MAPKAP1: variants seen among roughly 807,000 people sequenced by gnomAD.
The protein encoded by MAPKAP1 is target of rapamycin complex 2 subunit MAPKAP1.
Under a neutral mutation model 65.7 loss-of-function variants are expected in MAPKAP1, and 20 were observed. That is an observed-to-expected ratio of 0.30 (90% CI 0.21 to 0.44). MAPKAP1 has a LOEUF of 0.44. Ranked by LOEUF, MAPKAP1 falls within the 20% of genes least tolerant of loss-of-function variation. MAPKAP1 has a pLI of 1.00. For missense variants in MAPKAP1, 423 were observed against 648.0 expected (o/e 0.65, Z 3.77); for synonymous variants, 222 against 244.3 (o/e 0.91, Z 0.85).
At chr9:125,676,989 A>G (rs929257057) in intron 1 of MAPKAP1, among the ~76,000 whole-genome samples, 2 of 152,220 alleles carry the variant, frequency 1.3e-5, no homozygotes, top group African/African-American at 4.8e-5. Flanking sequence ...CCATCCATAA[A>G]TATTGTTTTC....
intron 8 of MAPKAP1, among the ~76,000 whole-genome samples, chr9:125,493,845 T>C (rs1339445623): frequency 6.6e-6 from 1 of 152,182 alleles, no homozygotes; most frequent in Non-Finnish European, 1.5e-5. Flanking sequence ...AGACTCAGAA[T>C]GTCATTCTGC....
chr9:125,584,027 C>T (rs1400012129), intron 5 of MAPKAP1, among the ~76,000 whole-genome samples: 3 of 151,626 alleles, frequency 2.0e-5, no homozygotes, highest in East Asian at 1.9e-4. Context: ...CGCGCCACTG[C>T]ACTCCAGCCT....
At position 125,615,538 on chromosome 9, in the gene MAPKAP1, C is replaced by CAAA. The variant is rs58426049; in HGVS notation, c.499-29814_499-29812dup. 8.4e-3 allele frequency among the ~76,000 whole-genome samples: 931 copies of CAAA among 110,634 alleles called. 13 individuals are homozygous for CAAA. The highest frequency in any genetic ancestry group is 0.033 in the African/African-American group (852 of 25,574). The allele number at this position is 110,634 out of a possible 152,430, so 72.6% of individuals were successfully genotyped here. ...CAAAACCCCACCTCTACTAAAAATA[C>CAAA]AAAAAAAAAAAAAAAAAAAAATCAG... On this transcript the variant is annotated intron_variant, in intron 4 of 11. Transcript: ENST00000265960.
chr9:125,470,279 C>G (rs1178606848), intron 9 of MAPKAP1, among the ~76,000 whole-genome samples: 1 of 152,052 alleles, frequency 6.6e-6, no homozygotes, highest in Admixed American at 6.5e-5. Flanking sequence ...GAATATAAAC[C>G]AGAAATGACA....
rs141958549 is a variant in MAPKAP1 at position 125,484,718 on chromosome 9, A to C, written c.1067-135T>G. ...AGAAGAAAAGGCTGAGCGATGACTT[A>C]ATAATGCCATTCCAGTAAACAGAGA... On this transcript the variant is annotated intron_variant, in intron 8 of 11. Coordinates refer to ENST00000265960, the MANE Select transcript of MAPKAP1 (RefSeq NM_001006617.3). The C allele has an allele frequency of 3.7e-4, 285 of 775,788 alleles. 2 individuals are homozygous for C. The African/African-American group carries it at 4.6e-3, about 13-fold the overall frequency. The allele number at this position is 775,788 out of a possible 1,614,324, so 48.1% of individuals were successfully genotyped here.
At chr9:125,545,429 T>C (rs1830395119) in intron 6 of MAPKAP1, among the ~76,000 whole-genome samples, 4 of 152,202 alleles carry the variant, frequency 2.6e-5, no homozygotes, top group African/African-American at 9.6e-5. Flanking sequence ...GAAGTCAGTA[T>C]GCGCTCCATC....
chr9:125,498,725 G>A (rs192787643), intron 8 of MAPKAP1, among the ~76,000 whole-genome samples: 63 of 152,218 alleles, frequency 4.1e-4, no homozygotes, highest in Admixed American at 1.2e-3. Context: ...TTTATAAAGC[G>A]TATATCCATT....
intron 7 of MAPKAP1, among the ~76,000 whole-genome samples, chr9:125,535,338 C>T (rs1050370458): frequency 6.6e-6 from 1 of 152,232 alleles, no homozygotes; most frequent in Non-Finnish European, 1.5e-5. Flanking sequence ...TCAAGTAGGA[C>T]TCCCTTACCT....
At chr9:125,657,899 C>T in intron 3 of MAPKAP1, 100 bp from the exon 4 acceptor site, 1 of 1,141,728 alleles carries the variant, frequency 8.8e-7, no homozygotes, top group Non-Finnish European at 1.3e-6. Context: ...GAAGGAGCAT[C>T]CAGAGACATG....
At chr9:125,651,365 G>C (rs1027600237) in intron 4 of MAPKAP1, among the ~76,000 whole-genome samples, 1 of 152,160 alleles carries the variant, frequency 6.6e-6, no homozygotes, top group Non-Finnish European at 1.5e-5. Flanking sequence ...AGCACTTTGG[G>C]AGGCCGAGGC....
intron 4 of MAPKAP1, among the ~76,000 whole-genome samples, chr9:125,616,900 A>G (rs147766444): frequency 1.2e-4 from 19 of 152,356 alleles, no homozygotes; most frequent in Admixed American, 1.0e-3. Context: ...CTTTTCTTTT[A>G]AAATTAAATA....
chr9:125,528,772 G>A lies in MAPKAP1; in HGVS notation c.958+14287C>T, dbSNP rs372110299. ...TGAGGCAGGAGAATCGCCTGAACTCGGGAGGCGGAGGTTGCGGTGAGCTGA... is the reference window on the plus strand; with the variant it reads ...TGAGGCAGGAGAATCGCCTGAACTCAGGAGGCGGAGGTTGCGGTGAGCTGA... On this transcript the variant is annotated intron_variant, in intron 7 of 11. Coordinates refer to ENST00000265960, the MANE Select transcript of MAPKAP1 (RefSeq NM_001006617.3). 8.8e-4 allele frequency among the ~76,000 whole-genome samples: 132 copies of A among 150,622 alleles called. 2 individuals are homozygous for A. The South Asian group carries it at 0.024, about 28-fold the overall frequency.
At chr9:125,491,434 C>T (rs1196208137) in intron 8 of MAPKAP1, among the ~76,000 whole-genome samples, 1 of 151,922 alleles carries the variant, frequency 6.6e-6, no homozygotes, top group East Asian at 1.9e-4. Context: ...GAGTGAGACC[C>T]TGTCTCAAAA....
Position 125,657,604 on chromosome 9 carries a change from C to T in MAPKAP1, c.498+47G>A, listed in dbSNP as rs372487771. 3.3e-6 allele frequency: 5 copies of T among 1,505,090 alleles called. No homozygotes were observed. In the African/African-American group the frequency reaches 4.2e-5, roughly 13 times the overall value. The allele number at this position is 1,505,090 out of a possible 1,614,324, so 93.2% of individuals were successfully genotyped here. Reference sequence around the variant, plus strand: ...AATAATAATACCAACAACAACTCCACTCAATTACAGTTTTACTTAAAGGGA... The same window carrying T: ...AATAATAATACCAACAACAACTCCATTCAATTACAGTTTTACTTAAAGGGA... On this transcript the variant is annotated intron_variant, in intron 4 of 11. Transcript: ENST00000265960.
At chr9:125,687,645 C>T (rs1835024748) in intron 1 of MAPKAP1, among the ~76,000 whole-genome samples, 1 of 150,910 alleles carries the variant, frequency 6.6e-6, no homozygotes, top group Non-Finnish European at 1.5e-5. Flanking sequence ...ATTAACCAGG[C>T]ATGGGGGCAC....
chr9:125,610,768 C>T (rs1384909252), intron 4 of MAPKAP1, among the ~76,000 whole-genome samples: 1 of 152,126 alleles, frequency 6.6e-6, no homozygotes, highest in Non-Finnish European at 1.5e-5. Context: ...AGATTTTAAG[C>T]CAAGAATTTA....
At chr9:125,528,877 A>G (rs1426682486) in intron 7 of MAPKAP1, among the ~76,000 whole-genome samples, 1 of 140,238 alleles carries the variant, frequency 7.1e-6, no homozygotes, top group African/African-American at 2.6e-5. Flanking sequence ...AAAAAAAGGA[A>G]GGACTAGCAG....
chr9:125,690,722 G>T (rs1835141146), intron 1 of MAPKAP1, among the ~76,000 whole-genome samples: 1 of 152,170 alleles, frequency 6.6e-6, no homozygotes, highest in African/African-American at 2.4e-5. Flanking sequence ...GGGGGTAAAA[G>T]GCAACATTCG....
intron 7 of MAPKAP1, among the ~76,000 whole-genome samples, chr9:125,511,755 C>G (rs993703837): frequency 7.2e-5 from 11 of 152,294 alleles, no homozygotes; most frequent in African/African-American, 1.4e-4. Context: ...GGACAAGGTT[C>G]TCAAGGCAAC....
Sources: allele counts gnomAD v4.1 joint callset (sites outside exome capture counted in the v4.1 genomes callset), GRCh38; gene constraint gnomAD v4.1.1; transcripts MANE v1.5; gene names NCBI Gene and HGNC (gene_info 2026-07-23, HGNC 2026-07-21).